HNRNPM: variants seen among roughly 807,000 people sequenced by gnomAD.
HNRNPM encodes heterogeneous nuclear ribonucleoprotein M.
A neutral mutation model predicts 73.1 loss-of-function variants in HNRNPM; 11 were observed. That is an observed-to-expected ratio of 0.15 (90% confidence interval 0.09 to 0.25). The LOEUF is 0.25. Among genes scored for constraint, HNRNPM ranks in the 10% least tolerant of loss-of-function variants. The pLI, the probability that HNRNPM is intolerant of heterozygous loss-of-function variation, is 1.00. For synonymous variants in HNRNPM, 407 were observed against 355.2 expected, an observed-to-expected ratio of 1.15 and a Z score of -1.64; for missense variants, 789 against 1,067.9, an observed-to-expected ratio of 0.74 and a Z score of 3.64.
chr19:8,467,492 A>T (rs141994241), intron 7 of HNRNPM, 43 bp from the exon 8 acceptor site: 1 of 1,481,850 alleles, frequency 6.7e-7, no homozygotes, highest in Non-Finnish European at 9.4e-7. Flanking sequence ...TCTCTTGTGC[A>T]CATTTTTAGA....
At chr19:8,481,967 CTTTTTTTTT>C (rs35179733) in intron 12 of HNRNPM, among the ~76,000 whole-genome samples, 2 of 117,340 alleles carry the variant, frequency 1.7e-5, no homozygotes, top group South Asian at 2.8e-4. Flanking sequence ...TGTTTGGTGT[CTTTTTTTTT>C]TTTTTTTTTT....
At chr19:8,458,122 T>C (rs34244685) in intron 2 of HNRNPM, among the ~76,000 whole-genome samples, 33,224 of 151,224 alleles carry the variant, frequency 0.22, 4,548 homozygotes, top group East Asian at 0.5. Context: ...GGGAGCTTTT[T>C]TTCTAAGGAT....
rs369126337 is a variant in HNRNPM at position 8,466,229 on chromosome 19, G to T, written c.631-6G>T. Reference sequence around the variant, plus strand: ...TGAGGTTTTTACCCCGTTCTCTCTCGATTAGCTGGATTATAAAGTTGGCTG... The same window carrying T: ...TGAGGTTTTTACCCCGTTCTCTCTCTATTAGCTGGATTATAAAGTTGGCTG... On this transcript the variant is annotated splice_polypyrimidine_tract_variant and splice_region_variant and intron_variant, in intron 6 of 15. Transcript: ENST00000325495. 6 of 1,611,320 alleles carry T rather than the reference G, an allele frequency of 3.7e-6. No individual in the cohort carries two copies. The Admixed American group carries it at 8.5e-5, about 23-fold the overall frequency.
chr19:8,488,093 G>A (rs1971441218), intron 15 of HNRNPM: 1 of 152,296 alleles, frequency 6.6e-6, no homozygotes, highest in Admixed American at 6.5e-5. Context: ...GTGAATTTCT[G>A]TGTAAGCTCA....
At chr19:8,474,565 GTC>G (rs1464061789) in intron 12 of HNRNPM, among the ~76,000 whole-genome samples, 1 of 152,138 alleles carries the variant, frequency 6.6e-6, no homozygotes, top group African/African-American at 2.4e-5. Context: ...AATCAAGTTT[GTC>G]TCTGGGAGTG....
At chr19:8,446,745 A>G (rs990082729) in intron 1 of HNRNPM, among the ~76,000 whole-genome samples, 1 of 152,188 alleles carries the variant, frequency 6.6e-6, no homozygotes, top group Non-Finnish European at 1.5e-5. Context: ...AGTGCTAGCT[A>G]TATTGGTAGA....
chr19:8,469,825 A>G (rs1279241997), intron 9 of HNRNPM, among the ~76,000 whole-genome samples: 1 of 152,240 alleles, frequency 6.6e-6, no homozygotes. Flanking sequence ...GCTCAAGCTC[A>G]GGGCCCTACT....
intron 1 of HNRNPM, among the ~76,000 whole-genome samples, chr19:8,447,191 A>C (rs990415831): frequency 4.6e-5 from 7 of 152,016 alleles, no homozygotes; most frequent in African/African-American, 1.7e-4. Context: ...AAAGTCTAGT[A>C]CTAGCTTCAT....
rs781302248 is a variant in HNRNPM at position 8,467,567 on chromosome 19, C to T, written c.817C>T (p.Pro273Ser). ...MFNGQLLFDR[P>S]MHVKMDERAL... ...CAATGGCCAGCTGCTATTTGATAGA[C>T]CAATGCACGTCAAGATGGTAAGTCA... is the stretch of plus-strand genomic sequence containing the variant. The change falls in exon 8 of 16, where the codon CCA (proline) becomes TCA (serine). Residue 273 changes from proline to serine, a missense_variant. Physicochemically the swap from Pro to Ser is moderately conservative, Grantham distance 74 (BLOSUM62 -1). Transcript: ENST00000325495. The T allele has an allele frequency of 6.2e-7, 1 of 1,611,434 alleles. No individual in the cohort carries two copies. Among genetic ancestry groups the T allele is most frequent in the South Asian group, 1.1e-5 (1 of 91,016 alleles).
chr19:8,477,893 C>A (rs1304710647), intron 12 of HNRNPM, among the ~76,000 whole-genome samples: 1 of 152,154 alleles, frequency 6.6e-6, no homozygotes, highest in African/African-American at 2.4e-5. Context: ...TCACCTCTCA[C>A]CAGCATGTGA....
intron 2 of HNRNPM, among the ~76,000 whole-genome samples, chr19:8,458,547 G>T (rs1479611708): frequency 2.6e-5 from 4 of 152,234 alleles, no homozygotes; most frequent in Admixed American, 6.5e-5. Flanking sequence ...CCCAGGTGGG[G>T]CAGTGCCACC....
chr19:8,456,792 A>C (rs1324841870), intron 2 of HNRNPM, among the ~76,000 whole-genome samples: 3 of 152,206 alleles, frequency 2.0e-5, no homozygotes, highest in Admixed American at 2.0e-4. Context: ...ATTTCTCCAG[A>C]TAACACAGAT....
At chr19:8,469,656 A>C (rs1242644885) in intron 9 of HNRNPM, among the ~76,000 whole-genome samples, 1 of 152,248 alleles carries the variant, frequency 6.6e-6, no homozygotes, top group Non-Finnish European at 1.5e-5. Context: ...GGCTGGAAGC[A>C]AGAACCTCAG....
chr19:8,486,334 G>C lies in HNRNPM; in HGVS notation c.1906G>C (p.Gly636Arg). The C allele has an allele frequency of 6.3e-7, 1 of 1,599,330 alleles. No individual in the cohort carries two copies. Among genetic ancestry groups the C allele is most frequent in the Non-Finnish European group, 8.5e-7 (1 of 1,179,616 alleles). Residue 636 changes from glycine to arginine, a missense_variant, in exon 14 of 16, where the codon GGT becomes CGT. By Grantham distance (125) the Gly-to-Arg change is moderately radical. This residue lies in a region of HNRNPM where 604 missense variants were observed against 744.0 expected (regional missense o/e 0.81). Coordinates refer to ENST00000325495, the MANE Select transcript of HNRNPM (RefSeq NM_005968.5). ...TGGCAACTTCGGAGGAAGCTTCGCA[G>C]GTTCCTTTGGTGGAGCTGGAGGCCA... ...ERGNFGGSFA[G>R]SFGGAGGHAP...
chr19:8,471,912 C>G (rs1293669765), intron 10 of HNRNPM, among the ~76,000 whole-genome samples: 1 of 152,192 alleles, frequency 6.6e-6, no homozygotes, highest in Non-Finnish European at 1.5e-5. Flanking sequence ...GTGGCTCACG[C>G]CTGTAATCCC....
At chr19:8,467,870 A>G (rs1337711095) in intron 8 of HNRNPM, among the ~76,000 whole-genome samples, 1 of 152,136 alleles carries the variant, frequency 6.6e-6, no homozygotes, top group Non-Finnish European at 1.5e-5. Context: ...TCTACTAAAA[A>G]TACAAAAATT....
In HNRNPM at chr19:8,487,029, A is replaced by G. The variant is rs767252590; in HGVS notation, c.1983A>G (p.Pro661=). ...CCTTTTCTTCTCCCCTTCAGCTGCC[A>G]TTCGATTTCACATGGAAGATGCTAA... ...KACQIFVRNL[P]FDFTWKMLKD... The change falls in exon 15 of 16, where the codon CCA becomes CCG. Residue 661 remains proline, a synonymous_variant. Coordinates refer to ENST00000325495, the MANE Select transcript of HNRNPM (RefSeq NM_005968.5). 3.7e-6 allele frequency: 6 copies of G among 1,613,664 alleles called. No homozygotes were observed. The South Asian group carries it at 4.4e-5, about 12-fold the overall frequency.
intron 1 of HNRNPM, among the ~76,000 whole-genome samples, chr19:8,450,890 C>T (rs984641413): frequency 1.1e-4 from 16 of 149,734 alleles, no homozygotes; most frequent in African/African-American, 2.5e-4. Flanking sequence ...CCACCATGCC[C>T]GGCTAATTTT....
At chr19:8,455,059 C>G (rs1599758239) in intron 1 of HNRNPM, among the ~76,000 whole-genome samples, 1 of 152,042 alleles carries the variant, frequency 6.6e-6, no homozygotes, top group African/African-American at 2.4e-5. Flanking sequence ...GCTGGAGCCT[C>G]GAACTCCCGA....
Sources: gnomAD v4.1 joint callset for allele counts (sites outside exome capture counted in the v4.1 genomes callset) on GRCh38, gnomAD v4.1.1 for gene constraint, gnomAD v4.1.1 regional missense constraint, MANE v1.5 for transcripts, NCBI Gene and HGNC (gene_info 2026-07-23, HGNC 2026-07-21) for gene names.